MTSS1: variants seen among roughly 807,000 people sequenced by gnomAD.
MTSS1 encodes protein MTSS 1.
Under a neutral mutation model 79.0 loss-of-function variants are expected in MTSS1, and 18 were observed. That is an observed-to-expected ratio of 0.23 (90% CI 0.16 to 0.34). The LOEUF is 0.34. MTSS1 is among the 10% of genes least tolerant of loss of function. MTSS1 has a pLI of 1.00. For missense variants in MTSS1, 815 were observed against 986.2 expected, an observed-to-expected ratio of 0.83 and a Z score of 2.33; for synonymous variants, 341 against 368.6, an observed-to-expected ratio of 0.93 and a Z score of 0.86.
intron 6 of MTSS1, among the ~76,000 whole-genome samples, chr8:124,575,097 A>G (rs1405276654): frequency 6.6e-6 from 1 of 152,204 alleles, no homozygotes; most frequent in Non-Finnish European, 1.5e-5. Context: ...AGAAATGGAC[A>G]TGCAAGGTGA....
At position 124,553,115 on chromosome 8, in the gene MTSS1, A is replaced by G. The variant is rs1822814520; in HGVS notation, c.2145T>C (p.Ser715=). The change falls in exon 14 of 14, where the codon AGT becomes AGC. Residue 715 remains serine, a synonymous_variant. Transcript: ENST00000518547. This position sits in a 1 kb window ranked among gnomAD's most constrained non-coding sequence, Gnocchi z 6.0. ...CCCTTGGGCTCAGGTCTGCAGGGTC[A>G]CTCTCTGGAATCTGGCCTGGGGAGA... The part of the protein sequence containing the change: ...ATVSPGQIPE[S]DPADLSPRDT... 6.2e-7 allele frequency: 1 copy of G among 1,613,578 alleles called. No individual in the cohort carries two copies. The highest frequency in any genetic ancestry group is 1.3e-5 in the African/African-American group (1 of 74,808).
intron 3 of MTSS1, among the ~76,000 whole-genome samples, chr8:124,616,981 G>A (rs1836994154): frequency 6.6e-6 from 1 of 152,042 alleles, no homozygotes; most frequent in South Asian, 2.1e-4. Flanking sequence ...ACTTTGGCCT[G>A]CCACAAATCC....
At chr8:124,617,973 T>C (rs1812724482) in intron 3 of MTSS1, among the ~76,000 whole-genome samples, 1 of 152,208 alleles carries the variant, frequency 6.6e-6, no homozygotes, top group Non-Finnish European at 1.5e-5. Flanking sequence ...TTTTGGGAGA[T>C]GAATTATTTA....
At chr8:124,657,324 T>C (rs911568815) in intron 3 of MTSS1, among the ~76,000 whole-genome samples, 2 of 152,016 alleles carry the variant, frequency 1.3e-5, no homozygotes, top group East Asian at 3.8e-4. Context: ...AGCTGCGTAA[T>C]GGGGTAAGTG....
chr8:124,703,442 G>A (rs906842542), intron 2 of MTSS1, among the ~76,000 whole-genome samples: 3 of 152,062 alleles, frequency 2.0e-5, no homozygotes, highest in Non-Finnish European at 2.9e-5. Flanking sequence ...ACAGGCACTC[G>A]TCACCATGCC....
intron 11 of MTSS1, 30 bp from the exon 12 acceptor site, chr8:124,556,435 G>C: frequency 1.3e-6 from 2 of 1,579,690 alleles, no homozygotes; most frequent in South Asian, 1.2e-5. Context: ...TCAGGAGCCA[G>C]GGCCTCTGCC....
At chr8:124,634,884 T>C (rs1026052865) in intron 3 of MTSS1, among the ~76,000 whole-genome samples, 3 of 152,230 alleles carry the variant, frequency 2.0e-5, no homozygotes. Flanking sequence ...GCAATTCCCA[T>C]GCACATTGGA....
chr8:124,568,495 C>T lies in MTSS1; in HGVS notation c.502G>A (p.Asp168Asn), dbSNP rs1412253436. ...AATAAGAGATACTTATCATTGACAT[C>T]TTGGAGAGCACTGTCCAACTGAGGC... ...IQPQLDSALQ[D>N]VNDKYLLLEE... Residue 168 changes from aspartate (D) to asparagine (N), a missense_variant, in exon 7 of 14, where the codon GAT (aspartate) becomes AAT (asparagine). Physicochemically the swap from Asp to Asn is conservative, Grantham distance 23 (BLOSUM62 1). This residue lies in a region of MTSS1 where 225 missense variants were observed against 365.4 expected (regional missense o/e 0.62). Transcript: ENST00000518547. 2 of 1,614,174 alleles carry T rather than the reference C, an allele frequency of 1.2e-6. No individual in the cohort carries two copies. Among genetic ancestry groups the T allele is most frequent in the South Asian group, 1.1e-5 (1 of 91,086 alleles).
At chr8:124,605,586 T>TCGCA (rs879608604) in intron 3 of MTSS1, among the ~76,000 whole-genome samples, 3 of 144,596 alleles carry the variant, frequency 2.1e-5, no homozygotes, top group African/African-American at 5.7e-5. Context: ...CTCCCTGCCC[T>TCGCA]CTCGCTGCCT....
chr8:124,599,568 G>A (rs190684234), intron 3 of MTSS1, among the ~76,000 whole-genome samples: 18 of 152,008 alleles, frequency 1.2e-4, no homozygotes, highest in Admixed American at 1.1e-3. Context: ...TTTGGTTCCT[G>A]GGCACATAAC....
intron 1 of MTSS1, among the ~76,000 whole-genome samples, chr8:124,707,790 C>T (rs1263440762): frequency 6.6e-6 from 1 of 152,096 alleles, no homozygotes; most frequent in Non-Finnish European, 1.5e-5. Flanking sequence ...GTGGGAGAAT[C>T]CCTTGAGCCC....
intron 3 of MTSS1, among the ~76,000 whole-genome samples, chr8:124,609,717 G>C (rs1273663357): frequency 6.6e-6 from 1 of 152,216 alleles, no homozygotes; most frequent in Non-Finnish European, 1.5e-5. Flanking sequence ...CCACCTTGGA[G>C]GAACAACTAC....
In MTSS1 at chr8:124,727,853, C is replaced by A. The variant is rs1177495162; in HGVS notation, c.72+31G>T. ...GGCGGCGAGGTCAGAGCGCGGCGGC[C>A]GGCGCCGCAGCCGCACCCCCGGCGT... is the stretch of plus-strand genomic sequence containing the variant. On this transcript the variant is annotated intron_variant, in intron 1 of 13. Transcript: ENST00000518547. This position sits in a 1 kb window ranked among gnomAD's most constrained non-coding sequence, Gnocchi z 4.7. 1.3e-6 allele frequency: 2 copies of A among 1,557,610 alleles called. No individual in the cohort carries two copies. Among genetic ancestry groups the A allele is most frequent in the Non-Finnish European group, 1.7e-6 (2 of 1,156,450 alleles).
intron 3 of MTSS1, among the ~76,000 whole-genome samples, chr8:124,639,341 A>G (rs1200950004): frequency 6.6e-6 from 1 of 152,192 alleles, no homozygotes; most frequent in East Asian, 1.9e-4. Context: ...CCATCTCCAA[A>G]AAACAAAAGT....
chr8:124,718,616 G>A (rs564058316), intron 1 of MTSS1, among the ~76,000 whole-genome samples: 2 of 152,256 alleles, frequency 1.3e-5, no homozygotes, highest in South Asian at 2.1e-4. Context: ...CTGCGTGCTC[G>A]GCTGCAGGAG....
intron 3 of MTSS1, among the ~76,000 whole-genome samples, chr8:124,687,922 A>AT (rs1827246590): frequency 6.6e-6 from 1 of 152,072 alleles, no homozygotes; most frequent in Admixed American, 6.5e-5. Context: ...CCCTTTCCTG[A>AT]TTTTAAAGGC....
At chr8:124,567,695 A>C (rs1410090858) in intron 7 of MTSS1, 2 of 1,471,082 alleles carry the variant, frequency 1.4e-6, no homozygotes, top group Admixed American at 4.8e-5. Context: ...CATGGAAGAA[A>C]CATCCCATGT....
At chr8:124,696,670 A>G (rs1364109991) in intron 3 of MTSS1, among the ~76,000 whole-genome samples, 1 of 151,938 alleles carries the variant, frequency 6.6e-6, no homozygotes, top group East Asian at 1.9e-4. Flanking sequence ...GGCCAACATG[A>G]CGAAACCCTG....
chr8:124,699,526 C>T lies in MTSS1; in HGVS notation c.208G>A (p.Gly70Ser), dbSNP rs776027834. 6.2e-7 allele frequency: 1 copy of T among 1,614,080 alleles called. No individual in the cohort carries two copies. The highest frequency in any genetic ancestry group is 8.5e-7 in the Non-Finnish European group (1 of 1,179,954). ...TGGGAGTCAGCCTCCATCTGCTTAC[C>T]ACGTGTGTTGGTGGCCATGTCAGCC... ...KVADMATNTR[G>S]GTREIGSALT... The change falls in exon 3 of 14, where the codon GGT (glycine) becomes AGT (serine). Residue 70 changes from glycine (G) to serine (S), a missense_variant and splice_region_variant. This residue lies in a region of MTSS1 where 225 missense variants were observed against 365.4 expected (regional missense o/e 0.62). Coordinates refer to ENST00000518547, the MANE Select transcript of MTSS1 (RefSeq NM_014751.6).
Sources: allele counts gnomAD v4.1 joint callset (sites outside exome capture counted in the v4.1 genomes callset), GRCh38; gene constraint gnomAD v4.1.1; regional missense constraint gnomAD v4.1.1; non-coding constraint Gnocchi (gnomAD v3.1); transcripts MANE v1.5; gene names NCBI Gene and HGNC (gene_info 2026-07-23, HGNC 2026-07-21).